Variants in FBXO45 observed in about 807,000 individuals in gnomAD.
FBXO45 encodes F-box/SPRY domain-containing protein 1.
Under a neutral mutation model 25.5 loss-of-function variants are expected in FBXO45, and 3 were observed. That is an observed-to-expected ratio of 0.12 (90% CI 0.05 to 0.30). The LOEUF is 0.30. Among genes scored for constraint, FBXO45 ranks in the 10% least tolerant of loss-of-function variants. FBXO45 has a pLI of 1.00. For missense variants in FBXO45, 219 were observed against 365.0 expected, an observed-to-expected ratio of 0.60 and a Z score of 3.26; for synonymous variants, 155 against 149.8, an observed-to-expected ratio of 1.03 and a Z score of -0.25.
chr3:196,570,537 AC>A (rs1349737864), intron 1 of FBXO45, among the ~76,000 whole-genome samples: 1 of 151,170 alleles, frequency 6.6e-6, no homozygotes, highest in Non-Finnish European at 1.5e-5. Context: ...GCGCGATAAC[AC>A]CCCCTTTTTA....
chr3:196,571,810 G>A (rs189966477), intron 1 of FBXO45, among the ~76,000 whole-genome samples: 2 of 152,294 alleles, frequency 1.3e-5, no homozygotes, highest in Admixed American at 6.5e-5. Flanking sequence ...CATTATAGAT[G>A]TTGTAGACTT....
intron 2 of FBXO45, among the ~76,000 whole-genome samples, chr3:196,581,655 A>G (rs1577599398): frequency 6.6e-6 from 1 of 152,108 alleles, no homozygotes. Context: ...ACCAAATCCA[A>G]CACTTAGGAC....
rs1736087805 is a variant in FBXO45, at chr3:196,585,395, A to G, written c.*1077A>G. ...CCTTATAAATGCTGTAGATATTATC[A>G]AAAAAATTTTAATTTCATATTGTTT... On this transcript the variant is annotated 3_prime_UTR_variant, in exon 3 of 3. Transcript: ENST00000311630. 6.6e-6 allele frequency: 1 copy of G among 152,202 alleles called. No homozygotes were observed. The highest frequency in any genetic ancestry group is 1.5e-5 in the Non-Finnish European group (1 of 68,032). 9.4% of individuals were successfully genotyped at this position (152,202 alleles called of 1,614,324 possible).
At chr3:196,582,720 A>G (rs149244130) in intron 2 of FBXO45, among the ~76,000 whole-genome samples, 187 of 152,214 alleles carry the variant, frequency 1.2e-3, no homozygotes, top group African/African-American at 4.4e-3. Flanking sequence ...TATAACAAAC[A>G]GGTGTTTCAG....
At position 196,584,551 on chromosome 3, in the gene FBXO45, T is replaced by C; in HGVS notation, c.*233T>C. ...TGAGTGGGCAGTTGACATATGCATG[T>C]TGCACCCGATGTTGTCTCTAAGTTA... On this transcript the variant is annotated 3_prime_UTR_variant, in exon 3 of 3. Transcript: ENST00000311630. The surrounding 1 kb of genome is among the most constrained non-coding windows in gnomAD (Gnocchi z 4.3). 1 of 419,014 alleles carries C rather than the reference T, an allele frequency of 2.4e-6. No homozygotes were observed. Among genetic ancestry groups the C allele is most frequent in the East Asian group, 4.2e-5 (1 of 24,062 alleles). 26.0% of individuals were successfully genotyped at this position (419,014 alleles called of 1,614,324 possible).
At position 196,586,898 on chromosome 3, in the gene FBXO45, A is replaced by G. The variant is rs1324302583; in HGVS notation, c.*2580A>G. ...CACCTTGAGTTTTCTCATCTGCAAA[A>G]TAGAAAAAAAAAAATCCTTGCTCCC... On this transcript the variant is annotated 3_prime_UTR_variant, in exon 3 of 3. Transcript: ENST00000311630. 7.3e-6 allele frequency: 1 copy of G among 136,538 alleles called. No individual in the cohort carries two copies. Among genetic ancestry groups the G allele is most frequent in the Non-Finnish European group, 1.5e-5 (1 of 64,770 alleles). 8.5% of individuals were successfully genotyped at this position (136,538 alleles called of 1,614,324 possible). A position where few individuals can be genotyped will look rare whatever the true frequency, so the allele number is the denominator to read the frequency against.
At position 196,584,238 on chromosome 3, in the gene FBXO45, T is replaced by C; in HGVS notation, c.781T>C (p.Cys261Arg). ...GVAFRGLPKV[C>R]LYPAVSAVYG... is the part of the protein sequence containing the mutation. ...TGCTTTTAGAGGACTTCCAAAGGTCTGCTTATACCCAGCAGTTTCTGCTGT... is the reference window on the plus strand; with the variant it reads ...TGCTTTTAGAGGACTTCCAAAGGTCCGCTTATACCCAGCAGTTTCTGCTGT... Residue 261 changes from cysteine (C) to arginine (R), a missense_variant, in exon 3 of 3, where the codon TGC becomes CGC. Cys to Arg is a radical substitution (Grantham distance 180). This residue lies in a region of FBXO45 where 16 missense variants were observed against 52.3 expected (regional missense o/e 0.31). Coordinates refer to ENST00000311630, the MANE Select transcript of FBXO45 (RefSeq NM_001105573.2). The surrounding 1 kb of genome is among the most constrained non-coding windows in gnomAD (Gnocchi z 4.3). The C allele has an allele frequency of 6.2e-7, 1 of 1,614,014 alleles. No individual in the cohort carries two copies. The highest frequency in any genetic ancestry group is 8.5e-7 in the Non-Finnish European group (1 of 1,179,890).
In FBXO45 at chr3:196,569,587, C is replaced by T. The variant is rs1735749570; in HGVS notation, c.318+285C>T. Among the ~76,000 whole-genome samples, 1 of 152,126 alleles carries T rather than the reference C, an allele frequency of 6.6e-6. No homozygotes were observed. The highest frequency in any genetic ancestry group is 2.4e-5 in the African/African-American group (1 of 41,416). On this transcript the variant is annotated intron_variant, in intron 1 of 2. Transcript: ENST00000311630. This position sits in a 1 kb window ranked among gnomAD's most constrained non-coding sequence, Gnocchi z 4.1. ...ACAGTTTTCCCCGTTAAAGACAGAC[C>T]ACCACTCTTGTACCTTTTAATGCCC...
intron 1 of FBXO45, among the ~76,000 whole-genome samples, chr3:196,576,499 G>A (rs1326099186): frequency 1.3e-5 from 2 of 152,186 alleles, no homozygotes; most frequent in African/African-American, 2.4e-5. Flanking sequence ...AGTGCGCTAC[G>A]ATTGTGCCAC....
Position 196,569,953 on chromosome 3 carries a change from T to C in FBXO45, c.318+651T>C, listed in dbSNP as rs1423482252. Among the ~76,000 whole-genome samples the C allele has an allele frequency of 6.6e-6, 1 of 152,240 alleles. No homozygotes were observed. The highest frequency in any genetic ancestry group is 1.9e-4 in the East Asian group (1 of 5,202). On this transcript the variant is annotated intron_variant, in intron 1 of 2. Transcript: ENST00000311630. This position sits in a 1 kb window ranked among gnomAD's most constrained non-coding sequence, Gnocchi z 4.1. ...GGCTGTTTCCTTGCTAACTTTTTAA[T>C]AGTTCCACATTGATGGTGTCTCTCT... is the stretch of plus-strand genomic sequence containing the variant.
At position 196,587,897 on chromosome 3, in the gene FBXO45, C is replaced by G. The variant is rs1185227397; in HGVS notation, c.*3579C>G. 2 of 152,086 alleles carry G rather than the reference C, an allele frequency of 1.3e-5. No homozygotes were observed. Among genetic ancestry groups the G allele is most frequent in the African/African-American group, 2.4e-5 (1 of 41,368 alleles). The allele number at this position is 152,086 out of a possible 1,614,324, so 9.4% of individuals were successfully genotyped here. A position where few individuals can be genotyped will look rare whatever the true frequency, so the allele number is the denominator to read the frequency against. ...GGTTCAAGCAATTCTCGTGCCTCAG[C>G]CTCCCGAGTAGCATGTGCCACCACA... On this transcript the variant is annotated 3_prime_UTR_variant, in exon 3 of 3. Coordinates refer to ENST00000311630, the MANE Select transcript of FBXO45 (RefSeq NM_001105573.2).
At position 196,569,240 on chromosome 3, in the gene FBXO45, A is replaced by G; in HGVS notation, c.256A>G (p.Ser86Gly). Residue 86 changes from serine (S) to glycine (G), a missense_variant, in exon 1 of 3, where the codon AGC (serine) becomes GGC (glycine). Ser to Gly is a moderately conservative substitution (Grantham distance 56). Around this residue, in one of 4 missense-constraint regions of FBXO45, gnomAD observed 138 missense variants for 157.3 expected, o/e 0.88. Transcript: ENST00000311630. This position sits in a 1 kb window ranked among gnomAD's most constrained non-coding sequence, Gnocchi z 4.1. ...GGTGTGGCGGAGCCTGTGCGCCCGC[A>G]GCCTGGCAGAAGAGGCTCTGCGCAC... Reference protein sequence around the residue: ...SEVWRSLCARSLAEEALRTDI... With the variant: ...SEVWRSLCARGLAEEALRTDI... 6.3e-7 allele frequency: 1 copy of G among 1,584,086 alleles called. No individual in the cohort carries two copies. The highest frequency in any genetic ancestry group is 8.6e-7 in the Non-Finnish European group (1 of 1,165,814).
Position 196,581,172 on chromosome 3 carries a change from ATTTTGCTTAT to A in FBXO45, c.676-2959_676-2950del, listed in dbSNP as rs1295974155. Among the ~76,000 whole-genome samples, 4 of 125,170 alleles carry A rather than the reference ATTTTGCTTAT, an allele frequency of 3.2e-5. No individual in the cohort carries two copies. The East Asian group carries it at 9.5e-4, about 30-fold the overall frequency. 82.1% of individuals were successfully genotyped at this position (125,170 alleles called of 152,430 possible). On this transcript the variant is annotated intron_variant, in intron 2 of 2. Coordinates refer to ENST00000311630, the MANE Select transcript of FBXO45 (RefSeq NM_001105573.2). ...CTCTGCTATTGAACTGGGCTAGTAA[ATTTTGCTTAT>A]TGTACACTTCAGCTTTAGAATTTCC...
rs1490375196 is a variant in FBXO45 at position 196,569,282 on chromosome 3, C to T, written c.298C>T (p.Leu100=). ...EALRTDILCN[L]PSYKAKIRAF... is the part of the protein sequence containing the mutation. ...TCTGCGCACGGACATCCTGTGCAAC[C>T]TGCCCAGCTACAAGGCCAAGGTGAG... Residue 100 remains leucine (L), a synonymous_variant, in exon 1 of 3, where the codon CTG becomes TTG. Coordinates refer to ENST00000311630, the MANE Select transcript of FBXO45 (RefSeq NM_001105573.2). The surrounding 1 kb of genome is among the most constrained non-coding windows in gnomAD (Gnocchi z 4.1). 1 of 1,574,152 alleles carries T rather than the reference C, an allele frequency of 6.4e-7. No individual in the cohort carries two copies. The highest frequency in any genetic ancestry group is 8.6e-7 in the Non-Finnish European group (1 of 1,158,716).
At chr3:196,583,289 C>T (rs1736047986) in intron 2 of FBXO45, among the ~76,000 whole-genome samples, 1 of 152,236 alleles carries the variant, frequency 6.6e-6, no homozygotes, top group Non-Finnish European at 1.5e-5. Context: ...AGGTGGATCA[C>T]GAGGTCAGGA....
At chr3:196,573,889 A>C (rs55935991) in intron 1 of FBXO45, among the ~76,000 whole-genome samples, 4,804 of 151,456 alleles carry the variant, frequency 0.032, 202 homozygotes, top group African/African-American at 0.099. Flanking sequence ...GTGCATGGGA[A>C]TGTGAGGCTA....
At chr3:196,575,003 AG>A (rs888549130) in intron 1 of FBXO45, among the ~76,000 whole-genome samples, 1 of 152,194 alleles carries the variant, frequency 6.6e-6, no homozygotes, top group Non-Finnish European at 1.5e-5. Context: ...TGAGATATGT[AG>A]TAAAGGTGCT....
At chr3:196,576,541 T>C (rs994343050) in intron 1 of FBXO45, among the ~76,000 whole-genome samples, 7 of 152,174 alleles carry the variant, frequency 4.6e-5, no homozygotes, top group African/African-American at 1.7e-4. Context: ...GAGTGAGACG[T>C]TGTCTAAAAA....
intron 2 of FBXO45, among the ~76,000 whole-genome samples, chr3:196,582,351 T>C (rs1460998629): frequency 6.6e-6 from 1 of 152,160 alleles, no homozygotes; most frequent in African/African-American, 2.4e-5. Flanking sequence ...GTTAATATTT[T>C]GTTGGTAGGA....
Sources: gnomAD v4.1 joint callset for allele counts (sites outside exome capture counted in the v4.1 genomes callset) on GRCh38, gnomAD v4.1.1 for gene constraint, gnomAD v4.1.1 regional missense constraint, Gnocchi (gnomAD v3.1) non-coding constraint, MANE v1.5 for transcripts, NCBI Gene and HGNC (gene_info 2026-07-23, HGNC 2026-07-21) for gene names.